The following SNX31 variants were observed in gnomAD, a reference collection of about 807,000 sequenced individuals.
SNX31 encodes sorting nexin-31.
Under a neutral mutation model 65.4 loss-of-function variants are expected in SNX31, and 58 were observed. The observed-to-expected ratio is 0.89, with a 90% CI of 0.72 to 1.10. The LOEUF (loss-of-function observed/expected upper bound fraction) is 1.10, where lower values mean the gene tolerates loss of function less well. Among genes scored for constraint, SNX31 ranks in the 50% least tolerant of loss-of-function variants. The probability of loss-of-function intolerance (pLI) is 0.00; values close to 1 mark genes in which losing one functional copy is unlikely to be tolerated. For missense variants in SNX31, 523 were observed against 529.7 expected (o/e 0.99, Z 0.12); for synonymous variants, 181 against 190.1 (o/e 0.95, Z 0.39).
intron 2 of SNX31, among the ~76,000 whole-genome samples, chr8:100,646,420 A>C (rs887957140): frequency 6.6e-6 from 1 of 152,210 alleles, no homozygotes; most frequent in South Asian, 2.1e-4. Flanking sequence ...GTTGGTAAAC[A>C]TTTGTTTCAG....
intron 10 of SNX31, among the ~76,000 whole-genome samples, chr8:100,593,011 A>C (rs1276814500): frequency 6.6e-6 from 1 of 152,230 alleles, no homozygotes. Context: ...AAAGTAGATC[A>C]GTGGTTTTTT....
intron 8 of SNX31, among the ~76,000 whole-genome samples, chr8:100,605,593 T>C (rs1483526805): frequency 6.6e-6 from 1 of 152,184 alleles, no homozygotes; most frequent in Non-Finnish European, 1.5e-5. Flanking sequence ...GGAGATGTCG[T>C]GGTTCAGAAG....
chr8:100,602,144 A>G (rs1159354030), intron 8 of SNX31, among the ~76,000 whole-genome samples: 3 of 152,200 alleles, frequency 2.0e-5, no homozygotes, highest in Non-Finnish European at 2.9e-5. Context: ...TGTCTTACAT[A>G]TGGCAATGCC....
At position 100,581,350 on chromosome 8, in the gene SNX31, T is replaced by TAG. The variant is rs1388491027; in HGVS notation, c.1170+2760_1170+2761insCT. Among the ~76,000 whole-genome samples the TAG allele has an allele frequency of 3.4e-5, 5 of 147,380 alleles. No individual in the cohort carries two copies. In the East Asian group the frequency reaches 7.8e-4, roughly 23 times the overall value. On this transcript the variant is annotated intron_variant, in intron 12 of 13. Coordinates refer to ENST00000311812, the MANE Select transcript of SNX31 (RefSeq NM_152628.4). The stretch of plus-strand genomic sequence containing the variant: ...CTATCTATCTATCTATATATATATA[T>TAG]ATATATAATTTAAGAACTTAATATA...
At chr8:100,645,739 A>G (rs2131285269) in intron 2 of SNX31, among the ~76,000 whole-genome samples, 2 of 151,718 alleles carry the variant, frequency 1.3e-5, no homozygotes, top group South Asian at 4.2e-4. Flanking sequence ...AGGCTCCTGA[A>G]TAGCTGGAAT....
chr8:100,597,445 T>C (rs962910945), intron 9 of SNX31, among the ~76,000 whole-genome samples: 1 of 152,216 alleles, frequency 6.6e-6, no homozygotes, highest in Non-Finnish European at 1.5e-5. Flanking sequence ...TTTCACCATG[T>C]TGGCCAGGAT....
rs1361257933 is a variant in SNX31, at chr8:100,578,588, T to C, written c.1171-1513A>G. On this transcript the variant is annotated intron_variant, in intron 12 of 13. Coordinates refer to ENST00000311812, the MANE Select transcript of SNX31 (RefSeq NM_152628.4). The surrounding 1 kb of genome is among the most constrained non-coding windows in gnomAD (Gnocchi z 4.7). ...ACCTTTCAACTATGGTTAACTTTGT[T>C]GTAAAATCAATTGCTTTAAGGAGGT... 1.3e-5 allele frequency among the ~76,000 whole-genome samples: 2 copies of C among 152,234 alleles called. No homozygotes were observed. Among genetic ancestry groups the C allele is most frequent in the African/African-American group, 4.8e-5 (2 of 41,468 alleles).
intron 2 of SNX31, among the ~76,000 whole-genome samples, chr8:100,645,151 A>G (rs190668481): frequency 3.1e-4 from 48 of 152,398 alleles, no homozygotes; most frequent in African/African-American, 1.1e-3. Context: ...AATGCGTGGC[A>G]TATAACAGAA....
At chr8:100,582,181 T>C (rs1053767114) in intron 12 of SNX31, among the ~76,000 whole-genome samples, 1 of 152,266 alleles carries the variant, frequency 6.6e-6, no homozygotes, top group South Asian at 2.1e-4. Flanking sequence ...CATAGTGTGG[T>C]TGTTTTTCTT....
At position 100,609,771 on chromosome 8, in the gene SNX31, T is replaced by C. The variant is rs1586937063; in HGVS notation, c.612-1208A>G. 6.6e-6 allele frequency among the ~76,000 whole-genome samples: 1 copy of C among 152,194 alleles called. No homozygotes were observed. The highest frequency in any genetic ancestry group is 1.9e-4 in the East Asian group (1 of 5,170). On this transcript the variant is annotated intron_variant, in intron 7 of 13. Coordinates refer to ENST00000311812, the MANE Select transcript of SNX31 (RefSeq NM_152628.4). The surrounding 1 kb of genome is among the most constrained non-coding windows in gnomAD (Gnocchi z 4.9). ...GAAGCATCCCTACTTACATTCCAGG[T>C]AACTATGCACCCACACATCCCAGAG...
rs371666040 is a variant in SNX31, at chr8:100,625,125, A to G, written c.321+5202T>C. On this transcript the variant is annotated intron_variant, in intron 4 of 13. Coordinates refer to ENST00000311812, the MANE Select transcript of SNX31 (RefSeq NM_152628.4). This position sits in a 1 kb window ranked among gnomAD's most constrained non-coding sequence, Gnocchi z 4.2. ...CACGTTTGGCCCAGCTGCCATACTT[A>G]TCTATAATGCAGCAGGAATGAAAAA... Among the ~76,000 whole-genome samples, 46 of 152,120 alleles carry G rather than the reference A, an allele frequency of 3.0e-4. No homozygotes were observed. The highest frequency in any genetic ancestry group is 1.1e-3 in the African/African-American group (44 of 41,432).
chr8:100,591,749 A>C (rs1296669234), intron 10 of SNX31, among the ~76,000 whole-genome samples: 1 of 152,002 alleles, frequency 6.6e-6, no homozygotes, highest in African/African-American at 2.4e-5. Flanking sequence ...GGATCTCTCG[A>C]GCCCACAGGG....
At chr8:100,661,023 T>TTTTTTTA (rs1809776762) in intron 1 of SNX31, among the ~76,000 whole-genome samples, 1 of 151,548 alleles carries the variant, frequency 6.6e-6, no homozygotes, top group African/African-American at 2.4e-5. Context: ...TTTTTTTTTT[T>TTTTTTTA]GAGACAGGGT....
At chr8:100,644,939 A>C (rs1003170217) in intron 2 of SNX31, among the ~76,000 whole-genome samples, 1 of 152,236 alleles carries the variant, frequency 6.6e-6, no homozygotes, top group Non-Finnish European at 1.5e-5. Flanking sequence ...CTGGGATTCC[A>C]GGTGTGAGCC....
chr8:100,574,829 G>A (rs986031882), intron 13 of SNX31, among the ~76,000 whole-genome samples: 3 of 152,180 alleles, frequency 2.0e-5, no homozygotes, highest in South Asian at 4.1e-4. Context: ...AGCTACTCAG[G>A]AGGCTGAGGC....
rs1390436232 is a variant in SNX31, at chr8:100,618,590, T to G, written c.322-860A>C. On this transcript the variant is annotated intron_variant, in intron 4 of 13. Transcript: ENST00000311812. ...CCAGCAGCAAATATGGGGCCCAAGT[T>G]ACCCACATTTCTGCCCAGCTGACTA... The G allele has an allele frequency of 1.1e-5, 6 of 541,702 alleles. No homozygotes were observed. The Admixed American group carries it at 2.1e-4, about 19-fold the overall frequency. 33.6% of individuals were successfully genotyped at this position (541,702 alleles called of 1,614,324 possible). A position where few individuals can be genotyped will look rare whatever the true frequency, so the allele number is the denominator to read the frequency against.
At chr8:100,602,153 C>G (rs1815700853) in intron 8 of SNX31, among the ~76,000 whole-genome samples, 1 of 152,228 alleles carries the variant, frequency 6.6e-6, no homozygotes, top group African/African-American at 2.4e-5. Flanking sequence ...TATGGCAATG[C>G]CCAGCAATTC....
At chr8:100,643,836 A>G (rs7835769) in intron 2 of SNX31, among the ~76,000 whole-genome samples, 73,172 of 152,004 alleles carry the variant, frequency 0.48, 17,920 homozygotes, top group African/African-American at 0.56. Flanking sequence ...AAATATTTGG[A>G]TTTTGCTTAT....
rs778419688 is a variant in SNX31, at chr8:100,600,367, T to C, written c.756A>G (p.Lys252=). The change falls in exon 9 of 14, where the codon AAA becomes AAG. Residue 252 remains lysine (K), a synonymous_variant. Transcript: ENST00000311812. The part of the protein sequence containing the change: ...AQRQKLEAFQ[K]EDSQTKFLEL... The stretch of plus-strand genomic sequence containing the variant: ...GATTCACCTTTGTTTGACTGTCTTC[T>C]TTCTGGAAAGCTTCTAATTTCTGCC... 1 of 1,613,802 alleles carries C rather than the reference T, an allele frequency of 6.2e-7. No homozygotes were observed. Among genetic ancestry groups the C allele is most frequent in the Non-Finnish European group, 8.5e-7 (1 of 1,179,808 alleles).
Sources: allele counts gnomAD v4.1 joint callset (sites outside exome capture counted in the v4.1 genomes callset), GRCh38; gene constraint gnomAD v4.1.1; non-coding constraint Gnocchi (gnomAD v3.1); transcripts MANE v1.5; gene names NCBI Gene and HGNC (gene_info 2026-07-23, HGNC 2026-07-21).